DLG2: variants seen among roughly 807,000 people sequenced by gnomAD.
DLG2 encodes the protein discs large MAGUK scaffold protein 2.
A neutral mutation model predicts 132.5 loss-of-function variants in DLG2; 45 were observed. The observed-to-expected ratio is 0.34, with a 90% confidence interval of 0.27 to 0.44. DLG2 has a LOEUF of 0.44. Among genes scored for constraint, DLG2 ranks in the 20% least tolerant of loss-of-function variants. DLG2 has a pLI of 1.00. For synonymous variants in DLG2, 424 were observed against 419.6 expected, an observed-to-expected ratio of 1.01 and a Z score of -0.13; for missense variants, 1,045 against 1,196.9, an observed-to-expected ratio of 0.87 and a Z score of 1.87.
chr11:85,466,663 G>T (rs1456941947), intron 3 of DLG2, among the ~76,000 whole-genome samples: 1 of 152,084 alleles, frequency 6.6e-6, no homozygotes, highest in Non-Finnish European at 1.5e-5. Flanking sequence ...TGTTCCATTG[G>T]TCTATATCTC....
intron 7 of DLG2, among the ~76,000 whole-genome samples, chr11:84,301,770 C>A (rs376211900): frequency 6.6e-5 from 10 of 151,750 alleles, no homozygotes; most frequent in African/African-American, 2.4e-4. Context: ...TTAGTACAAC[C>A]ATTTTGGAAG....
At chr11:84,760,816 T>C (rs78522106) in intron 6 of DLG2, among the ~76,000 whole-genome samples, 3,766 of 152,186 alleles carry the variant, frequency 0.025, 160 homozygotes, top group African/African-American at 0.087. Context: ...AGAGGAGGGA[T>C]GTCTGGACAC....
chr11:84,580,601 G>A (rs1489344908), intron 6 of DLG2, among the ~76,000 whole-genome samples: 1 of 152,198 alleles, frequency 6.6e-6, no homozygotes, highest in African/African-American at 2.4e-5. Context: ...GTAAAAGGCA[G>A]CAAGCAGCTG....
At chr11:84,463,666 G>T (rs1167877727) in intron 7 of DLG2, among the ~76,000 whole-genome samples, 1 of 151,204 alleles carries the variant, frequency 6.6e-6, no homozygotes, top group Non-Finnish European at 1.5e-5. Flanking sequence ...ACTGAGGGAA[G>T]GGACTATGCC....
At chr11:85,306,661 C>T (rs138890379) in intron 3 of DLG2, among the ~76,000 whole-genome samples, 2 of 152,318 alleles carry the variant, frequency 1.3e-5, no homozygotes, top group African/African-American at 4.8e-5. Context: ...AGCTCCACCT[C>T]CTGGGTTCAG....
chr11:85,128,021 C>G (rs752203833), intron 5 of DLG2, among the ~76,000 whole-genome samples: 2 of 152,084 alleles, frequency 1.3e-5, no homozygotes, highest in Non-Finnish European at 2.9e-5. Flanking sequence ...AGAGTGAAAT[C>G]ATATTTACAA....
chr11:84,116,319 C>T (rs2093631725), intron 9 of DLG2, among the ~76,000 whole-genome samples: 1 of 152,158 alleles, frequency 6.6e-6, no homozygotes, highest in South Asian at 2.1e-4. Flanking sequence ...AAAGGATATC[C>T]CTGTCCTGCT....
intron 3 of DLG2, among the ~76,000 whole-genome samples, chr11:85,499,166 T>C (rs1315940903): frequency 6.6e-6 from 1 of 152,014 alleles, no homozygotes; most frequent in African/African-American, 2.4e-5. Flanking sequence ...CTGGAGCTGG[T>C]TTTTTTAAAA....
At chr11:85,365,326 T>C (rs1032392592) in intron 3 of DLG2, among the ~76,000 whole-genome samples, 1 of 152,196 alleles carries the variant, frequency 6.6e-6, no homozygotes, top group Non-Finnish European at 1.5e-5. Context: ...ATGAGTCTGA[T>C]ATTTAAATAG....
intron 14 of DLG2, among the ~76,000 whole-genome samples, chr11:83,939,258 A>T (rs2082143063): frequency 6.6e-6 from 1 of 152,188 alleles, no homozygotes; most frequent in South Asian, 2.1e-4. Context: ...TCGCTAGCAG[A>T]TGAGTGACCT....
intron 6 of DLG2, among the ~76,000 whole-genome samples, chr11:84,793,738 G>T: frequency 6.6e-6 from 1 of 151,656 alleles, no homozygotes; most frequent in African/African-American, 2.4e-5. Flanking sequence ...TCTTTTTTTG[G>T]TTTCCATTAG....
At chr11:84,543,819 T>C (rs991191189) in intron 6 of DLG2, among the ~76,000 whole-genome samples, 1 of 152,152 alleles carries the variant, frequency 6.6e-6, no homozygotes, top group African/African-American at 2.4e-5. Context: ...GAATTTTTTT[T>C]AAACAAAACT....
chr11:85,155,642 G>T (rs1298270261), intron 4 of DLG2, among the ~76,000 whole-genome samples: 1 of 152,112 alleles, frequency 6.6e-6, no homozygotes, highest in Non-Finnish European at 1.5e-5. Flanking sequence ...GGCCAAGGAG[G>T]ATGGATCACC....
intron 10 of DLG2, among the ~76,000 whole-genome samples, chr11:84,069,454 A>AT (rs2096724871): frequency 6.6e-6 from 1 of 151,982 alleles, no homozygotes; most frequent in Non-Finnish European, 1.5e-5. Flanking sequence ...CATGCAAACC[A>AT]TTTTCCAGCA....
chr11:85,098,406 G>C (rs2070279483), intron 6 of DLG2, among the ~76,000 whole-genome samples: 1 of 152,148 alleles, frequency 6.6e-6, no homozygotes, highest in Non-Finnish European at 1.5e-5. Flanking sequence ...GTTTTGTATA[G>C]ATCTTCCTAT....
At chr11:84,789,398 C>T (rs2073450110) in intron 6 of DLG2, among the ~76,000 whole-genome samples, 1 of 151,930 alleles carries the variant, frequency 6.6e-6, no homozygotes, top group African/African-American at 2.4e-5. Flanking sequence ...TAGGACAAAG[C>T]TTTATTTTTT....
chr11:84,646,117 T>G (rs1422918203), intron 6 of DLG2, among the ~76,000 whole-genome samples: 2 of 152,174 alleles, frequency 1.3e-5, no homozygotes, highest in Non-Finnish European at 2.9e-5. Context: ...CTCTTAAAAA[T>G]TTTCAAGGTG....
chr11:83,927,530 T>G (rs12800483), intron 15 of DLG2, among the ~76,000 whole-genome samples: 16,274 of 152,132 alleles, frequency 0.11, 980 homozygotes, highest in Non-Finnish European at 0.12. Context: ...AGAGATTTAG[T>G]GCATTTTGTG....
chr11:85,208,191 G>T (rs901137402), intron 4 of DLG2, among the ~76,000 whole-genome samples: 2 of 152,042 alleles, frequency 1.3e-5, no homozygotes, highest in African/African-American at 2.4e-5. Context: ...AGATCACACA[G>T]GTGGTAATCA....
Sources: gnomAD v4.1 joint callset for allele counts (sites outside exome capture counted in the v4.1 genomes callset) on GRCh38, gnomAD v4.1.1 for gene constraint, MANE v1.5 for transcripts, NCBI Gene and HGNC (gene_info 2026-07-23, HGNC 2026-07-21) for gene names.